GUCY1A2: variants seen among roughly 807,000 people sequenced by gnomAD.
The protein encoded by GUCY1A2 is guanylate cyclase soluble subunit alpha-2.
GUCY1A2 carries 27 observed loss-of-function variants against 63.5 expected under a neutral mutation model. That is an observed-to-expected ratio of 0.43 (90% CI 0.31 to 0.59). The LOEUF (loss-of-function observed/expected upper bound fraction) is 0.59, where lower values mean the gene tolerates loss of function less well. Among genes scored for constraint, GUCY1A2 ranks in the 20% least tolerant of loss-of-function variants. The pLI is 0.11. For missense variants in GUCY1A2, 768 were observed against 913.3 expected, an observed-to-expected ratio of 0.84 and a Z score of 2.05; for synonymous variants, 364 against 343.5, an observed-to-expected ratio of 1.06 and a Z score of -0.66.
rs1034927660 is a variant in GUCY1A2, at chr11:106,684,329, G to T, written c.*3220C>A. 5.3e-6 allele frequency: 1 copy of T among 189,580 alleles called. No homozygotes were observed. Among genetic ancestry groups the T allele is most frequent in the African/African-American group, 2.3e-5 (1 of 42,854 alleles). The allele number at this position is 189,580 out of a possible 1,614,324, so 11.7% of individuals were successfully genotyped here. A position where few individuals can be genotyped will look rare whatever the true frequency, so the allele number is the denominator to read the frequency against. On this transcript the variant is annotated 3_prime_UTR_variant, in exon 8 of 8. Coordinates refer to ENST00000526355, the MANE Select transcript of GUCY1A2 (RefSeq NM_000855.3). ...ATATAGAGCAAGAGATGAATATAAA[G>T]GCAGATTGTACGCAATTGGGTCCCA...
At chr11:106,716,103 A>G (rs1472969409) in intron 6 of GUCY1A2, among the ~76,000 whole-genome samples, 4 of 152,232 alleles carry the variant, frequency 2.6e-5, no homozygotes, top group African/African-American at 9.6e-5. Context: ...AATAATGTTC[A>G]AAGATCCTAA....
At chr11:107,005,609 C>A (rs189858745) in intron 1 of GUCY1A2, among the ~76,000 whole-genome samples, 2 of 152,230 alleles carry the variant, frequency 1.3e-5, no homozygotes, top group Non-Finnish European at 2.9e-5. Flanking sequence ...TTTCTGAGAG[C>A]CCCTACTTCA....
chr11:106,781,435 C>A (rs1230844049), intron 5 of GUCY1A2, among the ~76,000 whole-genome samples: 1 of 152,108 alleles, frequency 6.6e-6, no homozygotes, highest in African/African-American at 2.4e-5. Context: ...ACTATAGCTG[C>A]TTTTATAAAA....
At chr11:106,908,629 CA>C (rs1565328226) in intron 4 of GUCY1A2, among the ~76,000 whole-genome samples, 1 of 151,808 alleles carries the variant, frequency 6.6e-6, no homozygotes, top group African/African-American at 2.4e-5. Context: ...TATCATTACT[CA>C]ATTATCCTAT....
At chr11:106,944,518 G>C (rs1860799650) in intron 3 of GUCY1A2, among the ~76,000 whole-genome samples, 2 of 152,120 alleles carry the variant, frequency 1.3e-5, no homozygotes, top group South Asian at 4.1e-4. Context: ...GGAGAAAGAA[G>C]ATCACAAAAA....
rs1862339822 is a variant in GUCY1A2 at position 106,676,032 on chromosome 11, A to G, written c.*11517T>C. 5.3e-6 allele frequency: 1 copy of G among 187,384 alleles called. No individual in the cohort carries two copies. Among genetic ancestry groups the G allele is most frequent in the South Asian group, 2.0e-4 (1 of 5,120 alleles). 11.6% of individuals were successfully genotyped at this position (187,384 alleles called of 1,614,324 possible). ...GAAGCATATCTTTCCACAGAGGAACAAATCATGTTTTTTTCTGTATAATTT... is the reference window on the plus strand; with the variant it reads ...GAAGCATATCTTTCCACAGAGGAACGAATCATGTTTTTTTCTGTATAATTT... On this transcript the variant is annotated 3_prime_UTR_variant, in exon 8 of 8. Transcript: ENST00000526355.
intron 6 of GUCY1A2, among the ~76,000 whole-genome samples, chr11:106,769,838 G>T (rs1226764102): frequency 2.6e-5 from 4 of 151,872 alleles, no homozygotes; most frequent in African/African-American, 9.7e-5. Flanking sequence ...AGTTTTTTCT[G>T]ACCCCTTAGG....
chr11:106,758,181 C>T (rs371052123), intron 6 of GUCY1A2, among the ~76,000 whole-genome samples: 4 of 152,306 alleles, frequency 2.6e-5, no homozygotes, highest in Non-Finnish European at 4.4e-5. Context: ...CAGTGATGGA[C>T]GCCCCTCCCC....
intron 4 of GUCY1A2, chr11:106,936,742 G>A: frequency 7.5e-7 from 1 of 1,340,916 alleles, no homozygotes; most frequent in Non-Finnish European, 1.0e-6. Flanking sequence ...GGCAGACGTA[G>A]TGGTTCATTG....
intron 4 of GUCY1A2, among the ~76,000 whole-genome samples, chr11:106,839,368 G>A (rs1859163922): frequency 6.6e-6 from 1 of 151,962 alleles, no homozygotes; most frequent in Admixed American, 6.6e-5. Flanking sequence ...AACAGGTGCT[G>A]GAGGGGACGT....
At chr11:106,909,355 CTGTGTGTGTGTG>C (rs59067320) in intron 4 of GUCY1A2, among the ~76,000 whole-genome samples, 10 of 120,046 alleles carry the variant, frequency 8.3e-5, no homozygotes, top group East Asian at 2.5e-4. Context: ...TGGTACTCAT[CTGTGTGTGTGTG>C]TGTGTGTGTG....
chr11:106,888,594 T>C (rs1859932358), intron 4 of GUCY1A2, among the ~76,000 whole-genome samples: 1 of 152,228 alleles, frequency 6.6e-6, no homozygotes, highest in African/African-American at 2.4e-5. Context: ...GCTTTCTGGT[T>C]TCTTTTAAGA....
At chr11:106,972,663 A>G (rs17106250) in intron 3 of GUCY1A2, among the ~76,000 whole-genome samples, 11,730 of 152,210 alleles carry the variant, frequency 0.077, 529 homozygotes, top group South Asian at 0.14. Flanking sequence ...GATTCAGAAG[A>G]AGATGTTCCT....
chr11:106,902,844 T>C (rs1860152992), intron 4 of GUCY1A2, among the ~76,000 whole-genome samples: 2 of 152,290 alleles, frequency 1.3e-5, no homozygotes, highest in South Asian at 2.1e-4. Flanking sequence ...ACTTAAAGTA[T>C]ACAGGAGGAT....
intron 6 of GUCY1A2, among the ~76,000 whole-genome samples, chr11:106,763,886 C>T (rs999133622): frequency 5.9e-5 from 9 of 151,972 alleles, no homozygotes; most frequent in Admixed American, 5.9e-4. Context: ...ATAACAATAT[C>T]CAAAAGGATC....
intron 3 of GUCY1A2, among the ~76,000 whole-genome samples, chr11:106,974,160 T>C (rs994689681): frequency 6.6e-6 from 1 of 152,068 alleles, no homozygotes; most frequent in Non-Finnish European, 1.5e-5. Context: ...AGTAAAATAC[T>C]GAAAATATTT....
At chr11:106,952,380 T>G (rs1039697636) in intron 3 of GUCY1A2, among the ~76,000 whole-genome samples, 2 of 152,146 alleles carry the variant, frequency 1.3e-5, no homozygotes, top group Non-Finnish European at 2.9e-5. Flanking sequence ...GGATGGAATG[T>G]TTTTTCCATT....
At position 106,753,177 on chromosome 11, in the gene GUCY1A2, G is replaced by C. The variant is rs565530709; in HGVS notation, c.1836+23262C>G. 3.9e-5 allele frequency among the ~76,000 whole-genome samples: 6 copies of C among 152,280 alleles called. No individual in the cohort carries two copies. The South Asian group carries it at 1.0e-3, about 26-fold the overall frequency. Reference sequence around the variant, plus strand: ...GCATAAATGCCTTCTTTTGAGAAGTGTCTGTTCATATCCTTTGCCTACTTT... The same window carrying C: ...GCATAAATGCCTTCTTTTGAGAAGTCTCTGTTCATATCCTTTGCCTACTTT... On this transcript the variant is annotated intron_variant, in intron 6 of 7. Transcript: ENST00000526355.
chr11:106,772,971 T>C (rs1864283916), intron 6 of GUCY1A2, among the ~76,000 whole-genome samples: 1 of 152,234 alleles, frequency 6.6e-6, no homozygotes. Context: ...TTATTTTTAA[T>C]GCTCCATATT....
Sources: gnomAD v4.1 joint callset for allele counts (sites outside exome capture counted in the v4.1 genomes callset) on GRCh38, gnomAD v4.1.1 for gene constraint, MANE v1.5 for transcripts, NCBI Gene and HGNC (gene_info 2026-07-23, HGNC 2026-07-21) for gene names.